Variants in GNAI1 observed in about 807,000 individuals in gnomAD.
The protein encoded by GNAI1 is guanine nucleotide-binding protein G(i) subunit alpha-1.
A neutral mutation model predicts 38.9 loss-of-function variants in GNAI1; 11 were observed. That is an observed-to-expected ratio of 0.28 (90% CI 0.18 to 0.47). GNAI1 has a LOEUF of 0.47. Ranked by LOEUF, GNAI1 falls within the 20% of genes least tolerant of loss-of-function variation. The pLI is 0.99. For synonymous variants in GNAI1, 166 were observed against 145.1 expected (o/e 1.14, Z -1.04); for missense variants, 317 against 436.9 (o/e 0.73, Z 2.45).
In GNAI1 at chr7:80,199,337, G is replaced by C. The variant is rs1271356769; in HGVS notation, c.416G>C (p.Cys139Ser). 1 of 1,611,978 alleles carries C rather than the reference G, an allele frequency of 6.2e-7. No individual in the cohort carries two copies. Among genetic ancestry groups the C allele is most frequent in the Non-Finnish European group, 8.5e-7 (1 of 1,178,708 alleles). ...RLWKDSGVQA[C>S]FNRSREYQLN... ...TGGAAAGATAGTGGTGTACAAGCCT[G>C]TTTCAACAGATCCCGAGAGTACCAG... The change falls in exon 4 of 8, where the codon TGT becomes TCT. Residue 139 changes from cysteine (C) to serine (S), a missense_variant. Physicochemically the swap from Cys to Ser is moderately radical, Grantham distance 112. Transcript: ENST00000649796.
intron 3 of GNAI1, among the ~76,000 whole-genome samples, chr7:80,198,686 C>G (rs1391426855): frequency 1.3e-5 from 2 of 152,156 alleles, no homozygotes; most frequent in African/African-American, 2.4e-5. Flanking sequence ...CTGAAAATCT[C>G]AGACCATTAC....
At chr7:80,162,297 TC>T (rs2116132049) in intron 1 of GNAI1, among the ~76,000 whole-genome samples, 1 of 152,284 alleles carries the variant, frequency 6.6e-6, no homozygotes, top group Admixed American at 6.5e-5. Context: ...TGTGATACTC[TC>T]TTACAGCAAC....
chr7:80,170,859 G>A (rs1265150396), intron 1 of GNAI1, among the ~76,000 whole-genome samples: 2 of 152,126 alleles, frequency 1.3e-5, no homozygotes, highest in African/African-American at 4.8e-5. Context: ...CTCTAACCTG[G>A]CAGTTTGCTC....
chr7:80,203,261 C>G (rs1788719208), intron 4 of GNAI1, among the ~76,000 whole-genome samples: 1 of 152,104 alleles, frequency 6.6e-6, no homozygotes, highest in South Asian at 2.1e-4. Flanking sequence ...TTGGGAAGAG[C>G]TTTCATCACT....
At chr7:80,182,322 A>G (rs1432446125) in intron 1 of GNAI1, among the ~76,000 whole-genome samples, 1 of 152,164 alleles carries the variant, frequency 6.6e-6, no homozygotes, top group African/African-American at 2.4e-5. Context: ...TCATCAATAT[A>G]CTGATTTCAT....
At chr7:80,173,835 C>T (rs529798312) in intron 1 of GNAI1, among the ~76,000 whole-genome samples, 13 of 152,270 alleles carry the variant, frequency 8.5e-5, no homozygotes, top group Admixed American at 5.2e-4. Flanking sequence ...GTCTCTCCTA[C>T]GCTATATTGG....
rs752521941 is a variant in GNAI1, at chr7:80,135,327, G to C, written c.118+49G>C. 24 of 1,088,440 alleles carry C rather than the reference G, an allele frequency of 2.2e-5. No homozygotes were observed. In the South Asian group the frequency reaches 4.3e-4, roughly 20 times the overall value. 67.4% of individuals were successfully genotyped at this position (1,088,440 alleles called of 1,614,324 possible). ...CGGGGGTCGGCGGGGGACCGGGTGCGGCGCTGCGCGGCCCTCGGCGTTTGG... is the reference window on the plus strand; with the variant it reads ...CGGGGGTCGGCGGGGGACCGGGTGCCGCGCTGCGCGGCCCTCGGCGTTTGG... On this transcript the variant is annotated intron_variant, in intron 1 of 7. Transcript: ENST00000649796.
chr7:80,158,651 T>C (rs1374344805), intron 1 of GNAI1, among the ~76,000 whole-genome samples: 1 of 152,252 alleles, frequency 6.6e-6, no homozygotes, highest in Non-Finnish European at 1.5e-5. Context: ...CATGCTGAAC[T>C]GTGAATCAGT....
chr7:80,183,485 G>GT (rs1788333195), intron 1 of GNAI1, among the ~76,000 whole-genome samples: 1 of 152,116 alleles, frequency 6.6e-6, no homozygotes, highest in Admixed American at 6.5e-5. Flanking sequence ...GAGAGTAGAG[G>GT]TATGAGGACT....
intron 1 of GNAI1, among the ~76,000 whole-genome samples, chr7:80,160,226 A>C (rs530221923): frequency 9.9e-5 from 15 of 151,484 alleles, no homozygotes; most frequent in Admixed American, 8.6e-4. Context: ...TTAATGCAGC[A>C]GTCAGAAGAC....
intron 7 of GNAI1, among the ~76,000 whole-genome samples, 171 bp from the exon 8 acceptor site, chr7:80,217,132 C>G (rs1170120560): frequency 6.7e-6 from 1 of 150,110 alleles, no homozygotes; most frequent in Non-Finnish European, 1.5e-5. Context: ...GAGTGTTTTT[C>G]ATTTAGAAGA....
chr7:80,154,411 T>C (rs567582277), intron 1 of GNAI1, among the ~76,000 whole-genome samples: 9 of 152,342 alleles, frequency 5.9e-5, no homozygotes, highest in African/African-American at 2.2e-4. Context: ...TTAAACTTGG[T>C]GCACAGGGAT....
chr7:80,188,006 T>C lies in GNAI1; in HGVS notation c.119-945T>C, dbSNP rs75652768. ...AAATCTTGAGGAGAGCCTGCATGTA[T>C]ACAGAGTGAAGGAGAGTTCTGAGAA... On this transcript the variant is annotated intron_variant, in intron 1 of 7. Transcript: ENST00000649796. Among the ~76,000 whole-genome samples the C allele has an allele frequency of 2.0e-3, 308 of 152,348 alleles. 10 individuals carry two copies. In the East Asian group the frequency reaches 0.049, roughly 24 times the overall value.
At position 80,176,270 on chromosome 7, in the gene GNAI1, C is replaced by T. The variant is rs533661618; in HGVS notation, c.119-12681C>T. Among the ~76,000 whole-genome samples the T allele has an allele frequency of 6.6e-5, 10 of 152,256 alleles. No individual in the cohort carries two copies. The East Asian group carries it at 1.5e-3, about 24-fold the overall frequency. On this transcript the variant is annotated intron_variant, in intron 1 of 7. Coordinates refer to ENST00000649796, the MANE Select transcript of GNAI1 (RefSeq NM_002069.6). Reference sequence around the variant, plus strand: ...TATCTAGGCCCTACCTCTTCCGTTCCGTGAAGGTTGAGAGAAGTGAGGAAG... The same window carrying T: ...TATCTAGGCCCTACCTCTTCCGTTCTGTGAAGGTTGAGAGAAGTGAGGAAG...
rs1378582069 is a variant in GNAI1, at chr7:80,221,488, C to T, written c.*3995C>T. 2.6e-4 allele frequency among the ~76,000 whole-genome samples: 39 copies of T among 151,936 alleles called. No homozygotes were observed. The highest frequency in any genetic ancestry group is 4.4e-5 in the Non-Finnish European group (3 of 67,986). On this transcript the variant is annotated 3_prime_UTR_variant, in exon 8 of 8. Coordinates refer to ENST00000649796, the MANE Select transcript of GNAI1 (RefSeq NM_002069.6). ...CCTCAAAAACAAAACTCTCATAATTCGTTTTCATAATGAAAACTAAGTGTC... is the reference window on the plus strand; with the variant it reads ...CCTCAAAAACAAAACTCTCATAATTTGTTTTCATAATGAAAACTAAGTGTC...
At chr7:80,152,223 T>C (rs1278000736) in intron 1 of GNAI1, among the ~76,000 whole-genome samples, 1 of 152,234 alleles carries the variant, frequency 6.6e-6, no homozygotes, top group Non-Finnish European at 1.5e-5. Context: ...TCCTCTGTTA[T>C]GCTTCTTTCC....
Position 80,219,564 on chromosome 7 carries a change from G to C in GNAI1, c.*2071G>C, listed in dbSNP as rs1437345618. 6.6e-6 allele frequency among the ~76,000 whole-genome samples: 1 copy of C among 151,994 alleles called. No homozygotes were observed. Among genetic ancestry groups the C allele is most frequent in the Non-Finnish European group, 1.5e-5 (1 of 67,992 alleles). ...GAGATGTGATGCCACATTTGGAATTGCCTTCTTGATATCCCCTTCTGAGAA... is the reference window on the plus strand; with the variant it reads ...GAGATGTGATGCCACATTTGGAATTCCCTTCTTGATATCCCCTTCTGAGAA... On this transcript the variant is annotated 3_prime_UTR_variant, in exon 8 of 8. Coordinates refer to ENST00000649796, the MANE Select transcript of GNAI1 (RefSeq NM_002069.6).
chr7:80,185,751 G>A (rs552919851), intron 1 of GNAI1, among the ~76,000 whole-genome samples: 1 of 152,236 alleles, frequency 6.6e-6, no homozygotes, highest in East Asian at 1.9e-4. Flanking sequence ...TGTGCTGCCT[G>A]AGATTTGTAG....
intron 1 of GNAI1, among the ~76,000 whole-genome samples, chr7:80,168,456 C>T (rs541936636): frequency 1.2e-4 from 18 of 152,222 alleles, no homozygotes; most frequent in East Asian, 7.7e-4. Flanking sequence ...GGCACGATCT[C>T]GGCTCACTGC....
Sources: gnomAD v4.1 joint callset for allele counts (sites outside exome capture counted in the v4.1 genomes callset) on GRCh38, gnomAD v4.1.1 for gene constraint, MANE v1.5 for transcripts, NCBI Gene and HGNC (gene_info 2026-07-23, HGNC 2026-07-21) for gene names.